The following F13A1 variants were observed in gnomAD, a reference collection of about 807,000 sequenced individuals.
F13A1 encodes FSF, A subunit.
In F13A1, 47 loss-of-function variants were observed where a neutral mutation model predicts 80.1. The observed-to-expected ratio is 0.59, with a 90% CI of 0.46 to 0.75. The LOEUF is 0.75. F13A1 is among the 30% of genes least tolerant of loss of function. The pLI, the probability that F13A1 is intolerant of heterozygous loss-of-function variation, is 0.00. For missense variants in F13A1, 817 were observed against 930.4 expected (o/e 0.88, Z 1.59); for synonymous variants, 349 against 344.9 (o/e 1.01, Z -0.13).
intron 8 of F13A1, among the ~76,000 whole-genome samples, chr6:6,205,209 C>T (rs138114663): frequency 3.3e-4 from 50 of 152,358 alleles, no homozygotes; most frequent in African/African-American, 1.2e-3. Context: ...CGTGTAAATA[C>T]AGTCTGATAT....
intron 3 of F13A1, among the ~76,000 whole-genome samples, chr6:6,303,586 A>G (rs1758467088): frequency 6.6e-6 from 1 of 152,200 alleles, no homozygotes; most frequent in South Asian, 2.1e-4. Flanking sequence ...TTGGAAATAT[A>G]CATTATTATT....
In F13A1 at chr6:6,318,540, A is replaced by G. The variant is rs762041584; in HGVS notation, c.125T>C (p.Leu42Pro). ...GAAGGGGGGTATGCTCATACCTTGC[A>G]GGTTGACGCCCCGGGGCACCACGCC... ...LQGVVPRGVN[L>P]QEFLNVTSVH... The change falls in exon 2 of 15, where the codon CTG becomes CCG. Residue 42 changes from leucine (L) to proline (P), a missense_variant. Physicochemically the swap from Leu to Pro is moderately conservative, Grantham distance 98. Transcript: ENST00000264870. 3 of 1,613,492 alleles carry G rather than the reference A, an allele frequency of 1.9e-6. No individual in the cohort carries two copies. The highest frequency in any genetic ancestry group is 1.7e-6 in the Non-Finnish European group (2 of 1,179,766).
chr6:6,149,859 C>A (rs1490961616), intron 14 of F13A1, among the ~76,000 whole-genome samples: 1 of 152,172 alleles, frequency 6.6e-6, no homozygotes, highest in Non-Finnish European at 1.5e-5. Flanking sequence ...ACATCTGTGT[C>A]CAAGAAGGGA....
intron 3 of F13A1, among the ~76,000 whole-genome samples, chr6:6,299,287 C>T (rs1197302081): frequency 2.6e-4 from 27 of 103,954 alleles, no homozygotes; most frequent in African/African-American, 4.7e-4. Flanking sequence ...TGAATCTGAA[C>T]GTTGGCCTGC....
chr6:6,203,426 A>C (rs1244928073), intron 8 of F13A1, among the ~76,000 whole-genome samples: 1 of 152,248 alleles, frequency 6.6e-6, no homozygotes, highest in African/African-American at 2.4e-5. Flanking sequence ...TGGCCTCATC[A>C]GATGAGCCTT....
At chr6:6,292,417 A>G (rs3024350) in intron 3 of F13A1, among the ~76,000 whole-genome samples, 5,356 of 152,082 alleles carry the variant, frequency 0.035, 273 homozygotes, top group African/African-American at 0.11. Context: ...TGCCTCCTAA[A>G]TATTTCTCAA....
rs1384107324 is a variant in F13A1 at position 6,295,194 on chromosome 6, G to A, written c.319+10157C>T. On this transcript the variant is annotated intron_variant, in intron 3 of 14. Transcript: ENST00000264870. ...AGTCTTTGCTATTGTGAATAATGCCGCAATAAACATACGTGTGCATGTGTC... is the reference window on the plus strand; with the variant it reads ...AGTCTTTGCTATTGTGAATAATGCCACAATAAACATACGTGTGCATGTGTC... 1.1e-3 allele frequency among the ~76,000 whole-genome samples: 155 copies of A among 145,540 alleles called. 3 individuals are homozygous for A. Among genetic ancestry groups the A allele is most frequent in the Non-Finnish European group, 1.9e-3 (125 of 66,504 alleles).
At chr6:6,275,815 G>A (rs1757980954) in intron 3 of F13A1, among the ~76,000 whole-genome samples, 1 of 152,182 alleles carries the variant, frequency 6.6e-6, no homozygotes, top group African/African-American at 2.4e-5. Context: ...GTTGTTAACT[G>A]CGATACAAAT....
intron 6 of F13A1, among the ~76,000 whole-genome samples, chr6:6,236,776 G>A (rs1428043532): frequency 1.3e-5 from 2 of 152,050 alleles, no homozygotes; most frequent in Non-Finnish European, 2.9e-5. Context: ...GTCCACAATG[G>A]TTTCTCAAAG....
chr6:6,190,802 G>A, intron 10 of F13A1, among the ~76,000 whole-genome samples: 1 of 152,118 alleles, frequency 6.6e-6, no homozygotes, highest in Admixed American at 6.5e-5. Flanking sequence ...CCTGGGCAAT[G>A]GTGGGCGCCC....
At chr6:6,217,598 C>T (rs887324265) in intron 8 of F13A1, among the ~76,000 whole-genome samples, 1 of 151,926 alleles carries the variant, frequency 6.6e-6, no homozygotes, top group Non-Finnish European at 1.5e-5. Flanking sequence ...TTAGTGGGTG[C>T]AGCGCACCAG....
At chr6:6,202,635 T>C (rs1162976929) in intron 8 of F13A1, among the ~76,000 whole-genome samples, 1 of 152,256 alleles carries the variant, frequency 6.6e-6, no homozygotes, top group African/African-American at 2.4e-5. Flanking sequence ...ATCTCCTTGT[T>C]GCCTCTTTCT....
chr6:6,262,566 C>G (rs1367776123), intron 4 of F13A1, among the ~76,000 whole-genome samples: 2 of 152,146 alleles, frequency 1.3e-5, no homozygotes, highest in African/African-American at 4.8e-5. Flanking sequence ...GTTCTGGAAG[C>G]AGGGAGCACC....
intron 4 of F13A1, among the ~76,000 whole-genome samples, chr6:6,252,630 G>A (rs1757649187): frequency 6.6e-6 from 1 of 152,150 alleles, no homozygotes; most frequent in South Asian, 2.1e-4. Flanking sequence ...CTGCTTTTGA[G>A]TTTATCTGAA....
chr6:6,305,544 G>A lies in F13A1; in HGVS notation c.131-5C>T. On this transcript the variant is annotated splice_polypyrimidine_tract_variant and splice_region_variant and intron_variant, in intron 2 of 14. Coordinates refer to ENST00000264870, the MANE Select transcript of F13A1 (RefSeq NM_000129.4). The stretch of plus-strand genomic sequence containing the variant: ...CGCTCGTGACATTAAGAAACTCTAT[G>A]AACAAGAAAAACAAGGGTTGAAGAA... 1 of 1,613,934 alleles carries A rather than the reference G, an allele frequency of 6.2e-7. No homozygotes were observed. Among genetic ancestry groups the A allele is most frequent in the Non-Finnish European group, 8.5e-7 (1 of 1,179,878 alleles).
intron 6 of F13A1, among the ~76,000 whole-genome samples, chr6:6,241,745 T>C (rs530255016): frequency 6.6e-6 from 1 of 152,350 alleles, no homozygotes; most frequent in Non-Finnish European, 1.5e-5. Flanking sequence ...GACTGGTCTG[T>C]ATGATCAAGG....
intron 3 of F13A1, among the ~76,000 whole-genome samples, chr6:6,291,332 T>C (rs566608710): frequency 6.6e-6 from 1 of 152,116 alleles, no homozygotes; most frequent in Non-Finnish European, 1.5e-5. Flanking sequence ...CCTCTCTGCC[T>C]GCTACATGTT....
At chr6:6,237,885 A>C (rs1408184257) in intron 6 of F13A1, among the ~76,000 whole-genome samples, 6 of 152,248 alleles carry the variant, frequency 3.9e-5, no homozygotes. Context: ...TATAGGCTAC[A>C]TTTTAATACT....
At chr6:6,172,673 C>A (rs1760798051) in intron 12 of F13A1, among the ~76,000 whole-genome samples, 1 of 152,086 alleles carries the variant, frequency 6.6e-6, no homozygotes, top group African/African-American at 2.4e-5. Context: ...TCTCGAGCTC[C>A]TGACCTCAGT....
Sources: allele counts gnomAD v4.1 joint callset (sites outside exome capture counted in the v4.1 genomes callset), GRCh38; gene constraint gnomAD v4.1.1; transcripts MANE v1.5; gene names NCBI Gene and HGNC (gene_info 2026-07-23, HGNC 2026-07-21).